CDH26: variants seen among roughly 807,000 people sequenced by gnomAD.
CDH26 encodes cadherin-like protein 26.
CDH26 carries 83 observed loss-of-function variants against 90.3 expected under a neutral mutation model. That is an observed-to-expected ratio of 0.92 (90% CI 0.77 to 1.10). CDH26 has a LOEUF of 1.10. Ranked by LOEUF, CDH26 falls within the 50% of genes least tolerant of loss-of-function variation. The probability of loss-of-function intolerance (pLI) is 0.00; values close to 1 mark genes in which losing one functional copy is unlikely to be tolerated. For missense variants in CDH26, 1,013 were observed against 1,037.6 expected, an observed-to-expected ratio of 0.98 and a Z score of 0.33; for synonymous variants, 397 against 396.3, an observed-to-expected ratio of 1.00 and a Z score of -0.02.
chr20:59,996,467 G>T, intron 12 of CDH26, 164 bp from the exon 13 acceptor site: 2 of 1,606,812 alleles, frequency 1.2e-6, no homozygotes, highest in Non-Finnish European at 1.7e-6. Flanking sequence ...GCATCTACTG[G>T]TACCCTGGAA....
At chr20:60,001,232 G>A in intron 14 of CDH26, 111 bp from the exon 15 acceptor site, 13 of 1,265,970 alleles carry the variant, frequency 1.0e-5, no homozygotes, top group Non-Finnish European at 1.5e-5. Context: ...ATTTGTGTTT[G>A]CCTATGAATA....
At chr20:59,965,209 A>G (rs1184899881) in intron 1 of CDH26, among the ~76,000 whole-genome samples, 1 of 152,216 alleles carries the variant, frequency 6.6e-6, no homozygotes, top group Non-Finnish European at 1.5e-5. Flanking sequence ...ATACAACCCA[A>G]TAACATCACC....
chr20:60,027,708 T>C (rs546581135), intron 7 of CDH26, among the ~76,000 whole-genome samples: 35 of 152,242 alleles, frequency 2.3e-4, no homozygotes, highest in South Asian at 6.2e-4. Context: ...GGATCTGCAG[T>C]GATGAAAATG....
chr20:59,987,359 C>G, intron 7 of CDH26, 94 bp from the exon 8 acceptor site: 1 of 987,194 alleles, frequency 1.0e-6, no homozygotes, highest in Non-Finnish European at 1.5e-6. Flanking sequence ...CTCTCTCTTG[C>G]TCTCTCTCTG....
intron 13 of CDH26, 150 bp downstream of exon 13, chr20:59,996,911 C>T: frequency 1.0e-6 from 1 of 953,230 alleles, no homozygotes; most frequent in Non-Finnish European, 1.6e-6. Flanking sequence ...CTTGCAAATA[C>T]TATCTAACTC....
intron 17 of CDH26, among the ~76,000 whole-genome samples, chr20:60,010,765 G>A (rs1422649710): frequency 2.0e-5 from 3 of 152,190 alleles, no homozygotes; most frequent in East Asian, 3.9e-4. Context: ...GAGGGAGAAA[G>A]CCATGGCAAC....
In CDH26 at chr20:59,992,619, A is replaced by G. The variant is rs536725946; in HGVS notation, c.1426+99A>G. On this transcript the variant is annotated intron_variant, in intron 10 of 17. Coordinates refer to ENST00000348616, the MANE Select transcript of CDH26 (RefSeq NM_177980.4). This position sits in a 1 kb window ranked among gnomAD's most constrained non-coding sequence, Gnocchi z 5.0. ...GTCTTTCAGCACAGCAGAGAAAAGG[A>G]TAAAATAAACCTTGTTATCACTCTG... 158 of 1,230,600 alleles carry G rather than the reference A, an allele frequency of 1.3e-4. 1 individual carries two copies. The East Asian group carries it at 1.3e-3, about 10-fold the overall frequency. 76.2% of individuals were successfully genotyped at this position (1,230,600 alleles called of 1,614,324 possible).
At chr20:59,966,786 A>G (rs2061154599) in intron 1 of CDH26, among the ~76,000 whole-genome samples, 1 of 152,358 alleles carries the variant, frequency 6.6e-6, no homozygotes, top group South Asian at 2.1e-4. Flanking sequence ...AACTTTTCAT[A>G]TATACATGGA....
chr20:60,005,993 A>G (rs1250238176), intron 16 of CDH26, among the ~76,000 whole-genome samples: 1 of 152,114 alleles, frequency 6.6e-6, no homozygotes, highest in East Asian at 1.9e-4. Context: ...CTTCTGTTCC[A>G]TGGCCCTACA....
intron 7 of CDH26, among the ~76,000 whole-genome samples, chr20:59,986,620 C>T (rs1171033461): frequency 9.7e-6 from 1 of 103,476 alleles, no homozygotes; most frequent in Admixed American, 8.9e-5. Flanking sequence ...TCCCCCTACA[C>T]ACACACACAC....
At position 59,995,986 on chromosome 20, in the gene CDH26, C is replaced by G. The variant is rs1345002964; in HGVS notation, c.1820C>G (p.Ala607Gly). 1 of 1,614,166 alleles carries G rather than the reference C, an allele frequency of 6.2e-7. No individual in the cohort carries two copies. Among genetic ancestry groups the G allele is most frequent in the South Asian group, 1.1e-5 (1 of 91,086 alleles). Residue 607 changes from alanine to glycine, a missense_variant, in exon 12 of 18, where the codon GCA (alanine) becomes GGA (glycine). By Grantham distance (60) the Ala-to-Gly change is moderately conservative. Transcript: ENST00000348616. ...CASGLTCVEL[A>G]DAEVGLHVGA... Reference sequence around the variant, plus strand: ...AGTGGGCTCACATGTGTGGAGCTTGCAGATGCAGAAGTGGGGCTTCATGTG... The same window carrying G: ...AGTGGGCTCACATGTGTGGAGCTTGGAGATGCAGAAGTGGGGCTTCATGTG...
In CDH26 at chr20:60,012,548, C is replaced by G. The variant is rs142001408; in HGVS notation, c.2317C>G (p.Leu773Val). Residue 773 changes from leucine to valine, a missense_variant, in exon 18 of 18, where the codon CTG (leucine) becomes GTG (valine). Coordinates refer to ENST00000348616, the MANE Select transcript of CDH26 (RefSeq NM_177980.4). ...CCAGAAACTCCATGTTGCCAATGTG[C>G]TGGAAGATGACCCCGGCTACCTACC... ...LNQKLHVANV[L>V]EDDPGYLPHV... is the part of the protein sequence containing the mutation. The G allele has an allele frequency of 2.8e-3, 4,501 of 1,613,890 alleles. 61 individuals are homozygous for G. Among genetic ancestry groups the G allele is most frequent in the South Asian group, 0.027 (2,446 of 91,048 alleles).
At chr20:59,991,840 T>C (rs1274894120) in intron 9 of CDH26, among the ~76,000 whole-genome samples, 1 of 152,136 alleles carries the variant, frequency 6.6e-6, no homozygotes, top group African/African-American at 2.4e-5. Flanking sequence ...CTGACAGCTC[T>C]CAGGAATGCT....
chr20:60,020,904 T>A (rs528393461), intron 7 of CDH26, among the ~76,000 whole-genome samples: 1 of 152,252 alleles, frequency 6.6e-6, no homozygotes, highest in Admixed American at 6.5e-5. Context: ...CTGTTAGTGA[T>A]CTTCTGCTTA....
chr20:59,987,153 T>G (rs2061469024), intron 7 of CDH26, among the ~76,000 whole-genome samples: 1 of 152,178 alleles, frequency 6.6e-6, no homozygotes, highest in African/African-American at 2.4e-5. Flanking sequence ...TTTAAAATTC[T>G]TAGAAAAAAT....
intron 7 of CDH26, among the ~76,000 whole-genome samples, chr20:59,985,389 C>T (rs1188330652): frequency 1.3e-5 from 2 of 152,046 alleles, no homozygotes; most frequent in Admixed American, 6.6e-5. Context: ...ACGGGGGGAG[C>T]AGGCATGTCA....
At chr20:60,004,216 C>T (rs2061712415) in intron 16 of CDH26, among the ~76,000 whole-genome samples, 1 of 152,168 alleles carries the variant, frequency 6.6e-6, no homozygotes, top group Admixed American at 6.5e-5. Context: ...TATGATGTGG[C>T]TTCACTATGT....
intron 17 of CDH26, among the ~76,000 whole-genome samples, chr20:60,011,494 A>C (rs1459721684): frequency 6.6e-6 from 1 of 152,226 alleles, no homozygotes; most frequent in Non-Finnish European, 1.5e-5. Context: ...ATACCATCGA[A>C]ATCATCTAAT....
At position 60,014,099 on chromosome 20, in the gene CDH26, CT is replaced by C. The variant is rs1218334259; in HGVS notation, c.*1372del. 2.0e-5 allele frequency: 3 copies of C among 152,006 alleles called. No individual in the cohort carries two copies. The highest frequency in any genetic ancestry group is 7.3e-5 in the African/African-American group (3 of 41,376). 9.4% of individuals were successfully genotyped at this position (152,006 alleles called of 1,614,324 possible). A position where few individuals can be genotyped will look rare whatever the true frequency, so the allele number is the denominator to read the frequency against. On this transcript the variant is annotated 3_prime_UTR_variant, in exon 18 of 18. Transcript: ENST00000348616. Reference sequence around the variant, plus strand: ...TTCGATTGCCTCCTTATACTTGCCTCTTTCATTCTGTCCCCTGTAGATTTTT... The same window carrying C: ...TTCGATTGCCTCCTTATACTTGCCTCTTCATTCTGTCCCCTGTAGATTTTT...
Sources: gnomAD v4.1 joint callset for allele counts (sites outside exome capture counted in the v4.1 genomes callset) on GRCh38, gnomAD v4.1.1 for gene constraint, Gnocchi (gnomAD v3.1) non-coding constraint, MANE v1.5 for transcripts, NCBI Gene and HGNC (gene_info 2026-07-23, HGNC 2026-07-21) for gene names.